CNTNAP4: variants seen among roughly 807,000 people sequenced by gnomAD.
The protein encoded by CNTNAP4 is contactin-associated protein-like 4.
Under a neutral mutation model 148.4 loss-of-function variants are expected in CNTNAP4, and 98 were observed. The ratio of observed to expected loss-of-function variants is 0.66; its 90% CI spans 0.56 to 0.78. The LOEUF (loss-of-function observed/expected upper bound fraction) is 0.78. Ranked by LOEUF, CNTNAP4 falls within the 30% of genes least tolerant of loss-of-function variation. The pLI, the probability that CNTNAP4 is intolerant of heterozygous loss-of-function variation, is 0.00. For synonymous variants in CNTNAP4, 730 were observed against 565.1 expected (o/e 1.29, Z -4.14); for missense variants, 1,935 against 1,565.6 (o/e 1.24, Z -3.98).
At chr16:76,398,559 T>C (rs1052079695) in intron 3 of CNTNAP4, among the ~76,000 whole-genome samples, 1 of 151,996 alleles carries the variant, frequency 6.6e-6, no homozygotes, top group Non-Finnish European at 1.5e-5. Context: ...AGAACTACTT[T>C]GAGATAGGTA....
At chr16:76,493,911 C>A (rs569895411) in intron 13 of CNTNAP4, among the ~76,000 whole-genome samples, 42 of 152,224 alleles carry the variant, frequency 2.8e-4, no homozygotes, top group African/African-American at 9.1e-4. Context: ...CATTTATAAG[C>A]AAGGGAGAAA....
chr16:76,373,263 T>A (rs34160820), intron 3 of CNTNAP4, among the ~76,000 whole-genome samples: 7,672 of 58,606 alleles, frequency 0.13, 659 homozygotes, highest in African/African-American at 0.25. Context: ...ATTCCACATA[T>A]ATATGTGAAA....
chr16:76,467,388 G>C lies in CNTNAP4; in HGVS notation c.1520G>C (p.Ser507Thr), dbSNP rs1355344487. ...PDKSFGSKCK[S>T]PLGGFQGCMR... The stretch of plus-strand genomic sequence containing the variant: ...AAAAGCTTTGGATCCAAATGTAAAA[G>C]TCCACTTGGTGGATTTCAGGGATGT... The change falls in exon 10 of 24, where the codon AGT becomes ACT. Residue 507 changes from serine (S) to threonine (T), a missense_variant. By Grantham distance (58) the Ser-to-Thr change is moderately conservative. Transcript: ENST00000611870. The C allele has an allele frequency of 1.2e-6, 2 of 1,613,886 alleles. No homozygotes were observed. The highest frequency in any genetic ancestry group is 1.7e-6 in the Non-Finnish European group (2 of 1,179,844).
At position 76,506,476 on chromosome 16, in the gene CNTNAP4, CTTTTTTTTTTTT is replaced by C. The variant is rs1237064108; in HGVS notation, c.2365+7795_2365+7806del. Reference sequence around the variant, plus strand: ...CTCCCCTTCCGCTTCTCTTCCGTTCCTTTTTTTTTTTTTTTTTTTTTTTTGACAGAATTGCCC... The same window carrying C: ...CTCCCCTTCCGCTTCTCTTCCGTTCCTTTTTTTTTTTTGACAGAATTGCCC... On this transcript the variant is annotated intron_variant, in intron 15 of 23. Transcript: ENST00000611870. Among the ~76,000 whole-genome samples, 2 of 43,130 alleles carry C rather than the reference CTTTTTTTTTTTT, an allele frequency of 4.6e-5. 1 individual carries two copies. Among genetic ancestry groups the C allele is most frequent in the Non-Finnish European group, 1.9e-4 (2 of 10,602 alleles). The allele number at this position is 43,130 out of a possible 152,430, so 28.3% of individuals were successfully genotyped here.
intron 1 of CNTNAP4, among the ~76,000 whole-genome samples, chr16:76,304,189 G>A (rs1960254078): frequency 6.6e-6 from 1 of 152,112 alleles, no homozygotes; most frequent in South Asian, 2.1e-4. Flanking sequence ...GATAGGAAAG[G>A]CGATTTAAAT....
intron 15 of CNTNAP4, among the ~76,000 whole-genome samples, chr16:76,510,299 G>A (rs552418809): frequency 1.3e-5 from 2 of 152,194 alleles, no homozygotes; most frequent in African/African-American, 4.8e-5. Flanking sequence ...TGTCAAGGAG[G>A]TTCATCAGTG....
intron 2 of CNTNAP4, among the ~76,000 whole-genome samples, chr16:76,326,438 A>G (rs1441556047): frequency 6.6e-6 from 1 of 152,222 alleles, no homozygotes; most frequent in Non-Finnish European, 1.5e-5. Flanking sequence ...GATCTTGCTA[A>G]GAGATGGGAA....
intron 2 of CNTNAP4, among the ~76,000 whole-genome samples, chr16:76,320,436 A>T (rs1253247269): frequency 6.6e-6 from 1 of 152,168 alleles, no homozygotes; most frequent in Non-Finnish European, 1.5e-5. Flanking sequence ...ATTGCAGAAG[A>T]TGGGAAATTT....
At position 76,510,087 on chromosome 16, in the gene CNTNAP4, G is replaced by C. The variant is rs1395065466; in HGVS notation, c.2366-11053G>C. 4.9e-5 allele frequency among the ~76,000 whole-genome samples: 2 copies of C among 41,224 alleles called. 1 individual carries two copies. The highest frequency in any genetic ancestry group is 3.2e-4 in the Non-Finnish European group (2 of 6,326). The allele number at this position is 41,224 out of a possible 152,430, so 27.0% of individuals were successfully genotyped here. ...GAGCAACCATCACCATAATCATTTT[G>C]AGGACATTTTTATCACCCCCAAAGT... On this transcript the variant is annotated intron_variant, in intron 15 of 23. Coordinates refer to ENST00000611870, the MANE Select transcript of CNTNAP4 (RefSeq NM_033401.5).
chr16:76,511,465 T>A (rs1038632194), intron 15 of CNTNAP4, among the ~76,000 whole-genome samples: 1 of 152,162 alleles, frequency 6.6e-6, no homozygotes, highest in Non-Finnish European at 1.5e-5. Flanking sequence ...ACTAGTGATT[T>A]GGTTAATTTC....
intron 13 of CNTNAP4, among the ~76,000 whole-genome samples, chr16:76,492,441 G>T (rs1394796124): frequency 1.3e-5 from 2 of 152,140 alleles, no homozygotes; most frequent in Non-Finnish European, 2.9e-5. Context: ...AAGAAGGATG[G>T]TTATCAAAGT....
At chr16:76,375,876 A>G (rs1030642460) in intron 3 of CNTNAP4, among the ~76,000 whole-genome samples, 3 of 152,214 alleles carry the variant, frequency 2.0e-5, no homozygotes, top group African/African-American at 7.2e-5. Flanking sequence ...GATGAATAGC[A>G]GTTAAGGATG....
At chr16:76,325,651 A>G (rs1405315853) in intron 2 of CNTNAP4, among the ~76,000 whole-genome samples, 1 of 152,188 alleles carries the variant, frequency 6.6e-6, no homozygotes, top group Non-Finnish European at 1.5e-5. Context: ...CATGGCCTTA[A>G]TTACAAATAT....
intron 3 of CNTNAP4, among the ~76,000 whole-genome samples, chr16:76,382,420 C>G (rs552314040): frequency 6.6e-6 from 1 of 152,128 alleles, no homozygotes; most frequent in Non-Finnish European, 1.5e-5. Flanking sequence ...ATGATCACAT[C>G]TTGCTAATGA....
chr16:76,396,013 G>C (rs938319848), intron 3 of CNTNAP4, among the ~76,000 whole-genome samples: 9 of 152,186 alleles, frequency 5.9e-5, no homozygotes, highest in Non-Finnish European at 1.3e-4. Context: ...ACAGGCATGA[G>C]CCACTGTGTC....
At chr16:76,321,857 C>T (rs552662109) in intron 2 of CNTNAP4, among the ~76,000 whole-genome samples, 1 of 149,832 alleles carries the variant, frequency 6.7e-6, no homozygotes, top group East Asian at 1.9e-4. Context: ...TATTTAATAA[C>T]CAATACTTTC....
chr16:76,497,388 T>G (rs1026184259), intron 14 of CNTNAP4, among the ~76,000 whole-genome samples: 1 of 151,612 alleles, frequency 6.6e-6, no homozygotes, highest in Non-Finnish European at 1.5e-5. Context: ...AAAGCAAACA[T>G]TGAAATACAA....
chr16:76,366,422 T>G (rs955828585), intron 3 of CNTNAP4, among the ~76,000 whole-genome samples: 1 of 152,208 alleles, frequency 6.6e-6, no homozygotes, highest in Admixed American at 6.5e-5. Context: ...CTAATGATAA[T>G]GGCCTCCAGT....
intron 18 of CNTNAP4, among the ~76,000 whole-genome samples, chr16:76,537,407 T>C (rs185809175): frequency 1.3e-5 from 2 of 152,234 alleles, no homozygotes; most frequent in East Asian, 3.9e-4. Flanking sequence ...TAGTTATTTC[T>C]TCTGCCATCT....
Sources: gnomAD v4.1 joint callset for allele counts (sites outside exome capture counted in the v4.1 genomes callset) on GRCh38, gnomAD v4.1.1 for gene constraint, MANE v1.5 for transcripts, NCBI Gene and HGNC (gene_info 2026-07-23, HGNC 2026-07-21) for gene names.